Variants in POLE observed in about 807,000 individuals in gnomAD.
POLE encodes the protein DNA polymerase epsilon, catalytic subunit, also known as DNA polymerase epsilon catalytic subunit A.
A neutral mutation model predicts 279.2 loss-of-function variants in POLE; 188 were observed. The ratio of observed to expected loss-of-function variants is 0.67; its 90% CI spans 0.60 to 0.76. The LOEUF is 0.76. POLE is among the 30% of genes least tolerant of loss of function. The probability of loss-of-function intolerance (pLI) is 0.00; values close to 1 mark genes in which losing one functional copy is unlikely to be tolerated. For synonymous variants in POLE, 1,214 were observed against 1,172.5 expected, an observed-to-expected ratio of 1.04 and a Z score of -0.72; for missense variants, 2,703 against 3,016.7, an observed-to-expected ratio of 0.90 and a Z score of 2.44.
rs978527329 is a variant in POLE, at chr12:132,641,742, G to A, written c.5283C>T (p.Ile1761=). The A allele has an allele frequency of 3.1e-6, 5 of 1,612,414 alleles. No homozygotes were observed. Among genetic ancestry groups the A allele is most frequent in the Middle Eastern group, 1.7e-4 (1 of 6,060 alleles). Residue 1761 remains isoleucine (I), a synonymous_variant, in exon 39 of 49, where the codon ATC becomes ATT. Transcript: ENST00000320574. ...ADSMGISFDV[I]QQASLEDMIT... ...TCATGTCCTCCAGGGAGGCCTGCTG[G>A]ATCACGTCGAAGCTGATCCCCATGC...
At chr12:132,641,527 G>A in intron 39 of POLE, 120 bp downstream of exon 39, 4 of 802,038 alleles carry the variant, frequency 5.0e-6, no homozygotes, top group Non-Finnish European at 8.1e-6. Context: ...GTGGTCTCTG[G>A]CTCTGCCATT....
chr12:132,686,096 C>CG (rs1171129613), intron 1 of POLE, among the ~76,000 whole-genome samples: 1 of 151,998 alleles, frequency 6.6e-6, no homozygotes, highest in Non-Finnish European at 1.5e-5. Flanking sequence ...AGGCTGGTCT[C>CG]GAACTCCTGA....
intron 29 of POLE, among the ~76,000 whole-genome samples, chr12:132,651,587 C>T (rs1290900020): frequency 6.6e-6 from 1 of 152,254 alleles, no homozygotes; most frequent in Non-Finnish European, 1.5e-5. Flanking sequence ...CCAACGACCC[C>T]CACTTCCTGG....
At chr12:132,641,136 T>G in intron 39 of POLE, 1 of 449,830 alleles carries the variant, frequency 2.2e-6, no homozygotes, top group Non-Finnish European at 4.5e-6. Context: ...AGAGGCAGAA[T>G]GCGAAGTGCT....
Position 132,626,130 on chromosome 12 carries a change from G to C in POLE, c.6518C>G (p.Ser2173Cys). The C allele has an allele frequency of 1.2e-6, 2 of 1,602,360 alleles. No homozygotes were observed. The highest frequency in any genetic ancestry group is 1.7e-6 in the Non-Finnish European group (2 of 1,174,660). Residue 2173 changes from serine (S) to cysteine (C), a missense_variant, in exon 46 of 49, where the codon TCT becomes TGT. By Grantham distance (112) the Ser-to-Cys change is moderately radical (BLOSUM62 -1). This residue lies in a region of POLE where 1,551 missense variants were observed against 1,686.1 expected (regional missense o/e 0.92). Transcript: ENST00000320574. ...GCTCAGCCGCACCTCTGAGAAGGAA[G>C]AGTCTTTACACAGGTCCAGGTCGCG... ...FCRDLDLCKD[S>C]SFSEDGAVLP... is the part of the protein sequence containing the mutation.
intron 43 of POLE, 106 bp from the exon 44 acceptor site, chr12:132,632,901 A>T (rs2041963951): frequency 8.0e-7 from 1 of 1,243,242 alleles, no homozygotes. Flanking sequence ...ATGAGGCTAA[A>T]ATGTCATTGT....
rs747456028 is a variant in POLE, at chr12:132,635,915, A to T, written c.5788T>A (p.Ser1930Thr). 6.2e-7 allele frequency: 1 copy of T among 1,613,736 alleles called. No homozygotes were observed. The highest frequency in any genetic ancestry group is 1.1e-5 in the South Asian group (1 of 91,030). ...ACCAGTCCACAGTGAATACGAGATG[A>T]AACTTTTCCTTTGATTCCGCCATAG... ...SNYGGIKGKV[S>T]SRIHCGLQDS... is the part of the protein sequence containing the mutation. The change falls in exon 42 of 49, where the codon TCA (serine) becomes ACA (threonine). Residue 1930 changes from serine to threonine, a missense_variant. Around this residue, in one of 5 missense-constraint regions of POLE, gnomAD observed 1,551 missense variants for 1,686.1 expected, o/e 0.92. Transcript: ENST00000320574.
chr12:132,664,186 T>C lies in POLE; in HGVS notation c.2562-38A>G. 6 of 1,610,398 alleles carry C rather than the reference T, an allele frequency of 3.7e-6. No individual in the cohort carries two copies. Among genetic ancestry groups the C allele is most frequent in the Non-Finnish European group, 5.1e-6 (6 of 1,178,644 alleles). On this transcript the variant is annotated intron_variant, in intron 22 of 48. Transcript: ENST00000320574. The surrounding 1 kb of genome is among the most constrained non-coding windows in gnomAD (Gnocchi z 5.3). ...AGAGGAGCAAGGTCGTGAGTTCCCC[T>C]TTCCTTTTCACCCAGTGTGTGGCCT...
In POLE at chr12:132,668,090, A is replaced by G. The variant is rs1045207010; in HGVS notation, c.2173+266T>C. On this transcript the variant is annotated intron_variant, in intron 19 of 48. Coordinates refer to ENST00000320574, the MANE Select transcript of POLE (RefSeq NM_006231.4). The surrounding 1 kb of genome is among the most constrained non-coding windows in gnomAD (Gnocchi z 4.0). ...AGAGTGAGACCTCATTTCAAAAAAAAAAAGAAAGAAATAGGACAGCCCAGG... is the reference window on the plus strand; with the variant it reads ...AGAGTGAGACCTCATTTCAAAAAAAGAAAGAAAGAAATAGGACAGCCCAGG... Among the ~76,000 whole-genome samples, 54 of 152,206 alleles carry G rather than the reference A, an allele frequency of 3.5e-4. No individual in the cohort carries two copies. The highest frequency in any genetic ancestry group is 6.8e-3 in the Middle Eastern group (2 of 292).
Position 132,677,731 on chromosome 12 carries a change from C to T in POLE, c.579-12G>A, listed in dbSNP as rs930455947. 6.2e-7 allele frequency: 1 copy of T among 1,612,758 alleles called. No homozygotes were observed. Among genetic ancestry groups the T allele is most frequent in the Non-Finnish European group, 8.5e-7 (1 of 1,179,182 alleles). On this transcript the variant is annotated splice_polypyrimidine_tract_variant and intron_variant, in intron 6 of 48. Coordinates refer to ENST00000320574, the MANE Select transcript of POLE (RefSeq NM_006231.4). The stretch of plus-strand genomic sequence containing the variant: ...CCCTCTGCAGAACACTAGGAATTAA[C>T]AAGAGAGCAACTAACTCAGCTGCCA...
intron 1 of POLE, among the ~76,000 whole-genome samples, chr12:132,686,795 G>A (rs897948932): frequency 6.6e-6 from 1 of 152,030 alleles, no homozygotes; most frequent in African/African-American, 2.4e-5. Flanking sequence ...TCTAGAACAG[G>A]ATCCTGGGCT....
At position 132,664,572 on chromosome 12, in the gene POLE, G is replaced by A. The variant is rs1428944421; in HGVS notation, c.2469-110C>T. 7.4e-6 allele frequency: 6 copies of A among 806,632 alleles called. No homozygotes were observed. In the African/African-American group the frequency reaches 8.4e-5, roughly 11 times the overall value. The allele number at this position is 806,632 out of a possible 1,614,324, so 50.0% of individuals were successfully genotyped here. Reference sequence around the variant, plus strand: ...AAGGAGAGATGCGACAGGGACAAGGGAAGCAGCCAAATGTGCGTGCACCAG... The same window carrying A: ...AAGGAGAGATGCGACAGGGACAAGGAAAGCAGCCAAATGTGCGTGCACCAG... On this transcript the variant is annotated intron_variant, in intron 21 of 48. Transcript: ENST00000320574. This position sits in a 1 kb window ranked among gnomAD's most constrained non-coding sequence, Gnocchi z 5.3.
At position 132,657,376 on chromosome 12, in the gene POLE, G is replaced by C. The variant is rs772089151; in HGVS notation, c.3432C>G (p.Ile1144Met). The change falls in exon 28 of 49, where the codon ATC (isoleucine) becomes ATG (methionine). Residue 1144 changes from isoleucine to methionine, a missense_variant. By Grantham distance (10) the Ile-to-Met change is conservative. Coordinates refer to ENST00000320574, the MANE Select transcript of POLE (RefSeq NM_006231.4). The stretch of plus-strand genomic sequence containing the variant: ...GCTGCAGGGCCGCAGGGATGGTGAT[G>C]ATCTTCTGGATGGCGCTTCCCAGCC... ...IERLGSAIQKIITIPAALQQV... is the reference protein window; with the variant it reads ...IERLGSAIQKMITIPAALQQV... 1.9e-6 allele frequency: 3 copies of C among 1,614,118 alleles called. No individual in the cohort carries two copies. The highest frequency in any genetic ancestry group is 1.7e-6 in the Non-Finnish European group (2 of 1,180,030).
intron 32 of POLE, among the ~76,000 whole-genome samples, chr12:132,648,029 T>A (rs1418696743): frequency 1.3e-5 from 2 of 152,180 alleles, no homozygotes; most frequent in Non-Finnish European, 2.9e-5. Context: ...TACGTGTCAC[T>A]TCTTACGTGA....
rs778732897 is a variant in POLE at position 132,648,882 on chromosome 12, C to T, written c.4149+47G>A. 10 of 1,573,634 alleles carry T rather than the reference C, an allele frequency of 6.4e-6. No individual in the cohort carries two copies. The South Asian group carries it at 1.1e-4, about 17-fold the overall frequency. ...CCAGGCTAGATCATGGGAAAGCCAC[C>T]TCAGGCTGCCCAGATGACTGCAGAG... On this transcript the variant is annotated intron_variant, in intron 32 of 48. Coordinates refer to ENST00000320574, the MANE Select transcript of POLE (RefSeq NM_006231.4).
Position 132,661,620 on chromosome 12 carries a change from C to T in POLE, c.2771G>A (p.Arg924His), listed in dbSNP as rs763594644. Residue 924 changes from arginine (R) to histidine (H), a missense_variant, in exon 24 of 49, where the codon CGC becomes CAC. Coordinates refer to ENST00000320574, the MANE Select transcript of POLE (RefSeq NM_006231.4). The surrounding 1 kb of genome is among the most constrained non-coding windows in gnomAD (Gnocchi z 4.1). ...CTCAAAAAAGATGCTGTTCTCTGAG[C>T]GGGTGACGTAGGTGAGTGAGGACGG... ...AEPSSLTYVT[R>H]SENSIFFEVD... 14 of 1,613,982 alleles carry T rather than the reference C, an allele frequency of 8.7e-6. No individual in the cohort carries two copies. The highest frequency in any genetic ancestry group is 6.7e-5 in the East Asian group (3 of 44,892).
rs1453853935 is a variant in POLE at position 132,634,162 on chromosome 12, C to A, written c.6004+24G>T. Reference sequence around the variant, plus strand: ...CCATGAGTCCCTTCAGTGGGGGCTGCGCAGCCCTGGGCTCTGGGCTTACCT... The same window carrying A: ...CCATGAGTCCCTTCAGTGGGGGCTGAGCAGCCCTGGGCTCTGGGCTTACCT... On this transcript the variant is annotated intron_variant, in intron 43 of 48. Transcript: ENST00000320574. This position sits in a 1 kb window ranked among gnomAD's most constrained non-coding sequence, Gnocchi z 4.0. The A allele has an allele frequency of 1.3e-6, 2 of 1,584,398 alleles. No homozygotes were observed. Among genetic ancestry groups the A allele is most frequent in the Non-Finnish European group, 1.7e-6 (2 of 1,160,480 alleles).
At chr12:132,674,851 CTCCCTTCCCTTCCT>C (rs1290790030) in intron 12 of POLE, among the ~76,000 whole-genome samples, 1 of 147,962 alleles carries the variant, frequency 6.8e-6, no homozygotes, top group Non-Finnish European at 1.5e-5. Context: ...CCTTCCCTCC[CTCCCTTCCCTTCCT>C]TCCCTTCCCT....
intron 29 of POLE, chr12:132,650,747 C>T (rs1318825822): frequency 6.6e-6 from 1 of 152,118 alleles, no homozygotes; most frequent in South Asian, 2.1e-4. Context: ...ATAATGGGTA[C>T]AGCCCTCTTC....
Sources: allele counts gnomAD v4.1 joint callset (sites outside exome capture counted in the v4.1 genomes callset), GRCh38; gene constraint gnomAD v4.1.1; regional missense constraint gnomAD v4.1.1; non-coding constraint Gnocchi (gnomAD v3.1); transcripts MANE v1.5; gene names NCBI Gene and HGNC (gene_info 2026-07-23, HGNC 2026-07-21).